The following ATXN3 variants were observed in gnomAD, a reference collection of about 807,000 sequenced individuals.
ATXN3 encodes ataxin 3, also known as ataxin-3.
ATXN3 carries 28 observed loss-of-function variants against 58.2 expected under a neutral mutation model. The observed-to-expected ratio is 0.48, with a 90% CI of 0.36 to 0.66. The LOEUF is 0.66. Ranked by LOEUF, ATXN3 falls within the 30% of genes least tolerant of loss-of-function variation. ATXN3 has a pLI of 0.00. For synonymous variants in ATXN3, 113 were observed against 138.5 expected (o/e 0.82, Z 1.29); for missense variants, 321 against 422.1 (o/e 0.76, Z 2.10).
chr14:92,097,796 A>C (rs1379684412), intron 1 of ATXN3, among the ~76,000 whole-genome samples: 1 of 152,118 alleles, frequency 6.6e-6, no homozygotes, highest in African/African-American at 2.4e-5. Context: ...AAGTTCTGGG[A>C]TTACAGGCAA....
intron 1 of ATXN3, among the ~76,000 whole-genome samples, chr14:92,099,080 T>C (rs1272216992): frequency 6.6e-6 from 1 of 152,176 alleles, no homozygotes; most frequent in East Asian, 1.9e-4. Context: ...GACACCAGGT[T>C]TGCCCCTCCC....
chr14:92,094,798 A>G (rs1250137888), intron 3 of ATXN3, among the ~76,000 whole-genome samples: 1 of 152,204 alleles, frequency 6.6e-6, no homozygotes, highest in African/African-American at 2.4e-5. Flanking sequence ...CACAAATAGG[A>G]AACGCCAAGT....
downstream of ATXN3, chr14:92,058,263 T>A (rs536574503): frequency 1.0e-4 from 16 of 152,388 alleles, no homozygotes; most frequent in African/African-American, 3.8e-4. Context: ...AAAGTGCAAG[T>A]TCTGATTCAG....
chr14:92,071,560 G>A (rs2059458218), intron 9 of ATXN3: 1 of 314,990 alleles, frequency 3.2e-6, no homozygotes, highest in Non-Finnish European at 6.2e-6. Flanking sequence ...TCGCGCCACT[G>A]CACTCCAGCC....
Position 92,096,664 on chromosome 14 carries a change from A to G in ATXN3, c.189+10T>C, listed in dbSNP as rs1012152390. ...AAAGAAATGTGACTTAGTGAGTTTA[A>G]AATCAGTACCTGTAAAAACGTGCGA... On this transcript the variant is annotated intron_variant, in intron 2 of 10. Transcript: ENST00000644486. 1 of 1,597,528 alleles carries G rather than the reference A, an allele frequency of 6.3e-7. No individual in the cohort carries two copies. Among genetic ancestry groups the G allele is most frequent in the African/African-American group, 1.4e-5 (1 of 73,674 alleles).
chr14:92,076,939 CAAAAAAA>C (rs1157708694), intron 9 of ATXN3, among the ~76,000 whole-genome samples: 7 of 59,832 alleles, frequency 1.2e-4, no homozygotes, highest in African/African-American at 3.1e-4. Context: ...GATTTCGTCT[CAAAAAAA>C]AAAAAAAAAA....
intron 1 of ATXN3, among the ~76,000 whole-genome samples, chr14:92,100,176 T>C (rs750631823): frequency 3.9e-5 from 6 of 152,160 alleles, no homozygotes; most frequent in Admixed American, 6.5e-5. Context: ...AGAGGATAAA[T>C]TGGTATAACC....
chr14:92,104,637 A>G (rs2067741966), intron 1 of ATXN3, among the ~76,000 whole-genome samples: 1 of 152,186 alleles, frequency 6.6e-6, no homozygotes, highest in Admixed American at 6.6e-5. Flanking sequence ...ATTAATAACA[A>G]AAATATGGCC....
In ATXN3 at chr14:92,096,838, G is replaced by A. The variant is rs1332881136; in HGVS notation, c.25C>T (p.Gln9Ter). MESIFHEKQEGSLCAQHCL... is the reference protein window; with the variant it reads MESIFHEK ...TGTTGAGCACAAAGTGAGCCTTCTT[G>A]CTAATATTTCCAAAAGAAAAAATTA... Residue 9 changes from glutamine (Q) to a stop codon, truncating the protein, a stop_gained and splice_region_variant, in exon 2 of 11, where the codon CAA becomes TAA. Coordinates refer to ENST00000644486, the MANE Select transcript of ATXN3 (RefSeq NM_004993.6). LOFTEE classifies it high-confidence loss of function. 1.2e-6 allele frequency: 2 copies of A among 1,612,512 alleles called. No homozygotes were observed. Among genetic ancestry groups the A allele is most frequent in the Non-Finnish European group, 1.7e-6 (2 of 1,179,196 alleles).
chr14:92,071,376 G>T, intron 9 of ATXN3: 1 of 423,050 alleles, frequency 2.4e-6, no homozygotes, highest in Non-Finnish European at 4.4e-6. Context: ...CGGGTGGATG[G>T]CTTGAGGTCA....
chr14:92,101,089 CTG>C (rs1186636358), intron 1 of ATXN3, among the ~76,000 whole-genome samples: 5 of 152,232 alleles, frequency 3.3e-5, no homozygotes, highest in East Asian at 1.9e-4. Context: ...CAAAGAAAAA[CTG>C]TATTGCTACA....
chr14:92,082,232 A>G, intron 8 of ATXN3, 68 bp downstream of exon 8: 1 of 1,508,416 alleles, frequency 6.6e-7, no homozygotes. Flanking sequence ...ATTAACTTCC[A>G]TGAAATCTAA....
intron 3 of ATXN3, 61 bp from the exon 4 acceptor site, chr14:92,093,892 G>A (rs1375510686): frequency 2.0e-6 from 2 of 1,010,584 alleles, no homozygotes; most frequent in Non-Finnish European, 3.1e-6. Flanking sequence ...TTTAGGAAGT[G>A]TAGCTATGTT....
intron 6 of ATXN3, chr14:92,083,542 T>C: frequency 1.9e-6 from 1 of 513,856 alleles, no homozygotes; most frequent in South Asian, 1.6e-5. Flanking sequence ...GCCCTACTAA[T>C]ATAGTACTTG....
At chr14:92,077,795 C>T (rs1485578005) in intron 9 of ATXN3, among the ~76,000 whole-genome samples, 4 of 151,874 alleles carry the variant, frequency 2.6e-5, no homozygotes, top group Non-Finnish European at 5.9e-5. Context: ...CAGGTGTGCA[C>T]CACCATGCCC....
intron 2 of ATXN3, among the ~76,000 whole-genome samples, chr14:92,045,962 G>A (rs1311007084): frequency 1.3e-5 from 2 of 152,186 alleles, no homozygotes; most frequent in Admixed American, 6.5e-5. Flanking sequence ...GATGCCTTTT[G>A]ATGGCCCTTG....
At chr14:92,080,833 T>C in intron 9 of ATXN3, 132 bp downstream of exon 9, 2 of 807,288 alleles carry the variant, frequency 2.5e-6, no homozygotes, top group Non-Finnish European at 2.0e-6. Context: ...ACCGTGCCCG[T>C]CCTATTTGCT....
Position 92,063,163 on chromosome 14 carries a change from G to C in ATXN3, c.*1157C>G, listed in dbSNP as rs2057897184. ...CATTGTTCTTAAGCTATCTAAACATGATGCAAGTGTCAAATCACAGTATAA... is the reference window on the plus strand; with the variant it reads ...CATTGTTCTTAAGCTATCTAAACATCATGCAAGTGTCAAATCACAGTATAA... On this transcript the variant is annotated 3_prime_UTR_variant, in exon 11 of 11. Transcript: ENST00000644486. 6.6e-6 allele frequency: 1 copy of C among 152,558 alleles called. No homozygotes were observed. The highest frequency in any genetic ancestry group is 2.1e-4 in the South Asian group (1 of 4,834). 9.5% of individuals were successfully genotyped at this position (152,558 alleles called of 1,614,324 possible).
intron 10 of ATXN3, among the ~76,000 whole-genome samples, chr14:92,068,979 T>G (rs957866443): frequency 3.3e-5 from 5 of 152,226 alleles, no homozygotes; most frequent in African/African-American, 1.2e-4. Context: ...CTTTTTTTAT[T>G]CAATTGTTTG....
Sources: allele counts gnomAD v4.1 joint callset (sites outside exome capture counted in the v4.1 genomes callset), GRCh38; gene constraint gnomAD v4.1.1; transcripts MANE v1.5; gene names NCBI Gene and HGNC (gene_info 2026-07-23, HGNC 2026-07-21).